The following DPRX variants were observed in gnomAD, a reference collection of about 807,000 sequenced individuals.
DPRX encodes the protein divergent-paired related homeobox, also known as divergent paired-related homeobox.
In DPRX, 11 loss-of-function variants were observed where a neutral mutation model predicts 8.4. The ratio of observed to expected loss-of-function variants is 1.31; its 90% CI spans 0.82 to 2.17. The LOEUF (loss-of-function observed/expected upper bound fraction) is 2.17. DPRX is among the 30% of genes most tolerant of loss of function. DPRX has a pLI of 0.00. For missense variants in DPRX, 211 were observed against 236.7 expected (o/e 0.89, Z 0.71); for synonymous variants, 72 against 87.0 (o/e 0.83, Z 0.96).
the DPRX span, chr19:53,601,303 G>A: frequency 2.2e-6 from 1 of 456,480 alleles, no homozygotes; most frequent in Admixed American, 2.4e-5. Flanking sequence ...CCAGGTCTCA[G>A]TGGTCATCTG....
In DPRX at chr19:53,636,918, CCCAAGTTTGCGCT is replaced by C; in HGVS notation, c.512_524del (p.Val171AlafsTer?). On this transcript the variant is annotated frameshift_variant, in exon 3 of 3. Transcript: ENST00000376650. LOFTEE classifies it low-confidence loss of function (END_TRUNC). Reference sequence around the variant, plus strand: ...TACTGCCTCTACCCCATTTTGGAATCCCAAGTTTGCGCTCCAAGCTTCCATTCTGGCTCTCCTG... The same window carrying C: ...TACTGCCTCTACCCCATTTTGGAATCCCAAGCTTCCATTCTGGCTCTCCTG... 3 of 1,613,726 alleles carry C rather than the reference CCCAAGTTTGCGCT, an allele frequency of 1.9e-6. No homozygotes were observed. The highest frequency in any genetic ancestry group is 2.5e-6 in the Non-Finnish European group (3 of 1,179,720).
the DPRX span, chr19:53,606,606 TC>T: frequency 6.6e-6 from 1 of 152,266 alleles, no homozygotes; most frequent in African/African-American, 2.4e-5. The surrounding 1 kb of genome is among the most constrained non-coding windows in gnomAD (Gnocchi z 4.8). Context: ...CAGATGAAGA[TC>T]GAGGTCACAG....
At chr19:53,618,133 ACT>A in the DPRX span, among the ~76,000 whole-genome samples, 4 of 137,692 alleles carry the variant, frequency 2.9e-5, no homozygotes, top group East Asian at 6.0e-4. Context: ...ACAGAGCGAG[ACT>A]CTGTTTCAAA....
At chr19:53,634,815 C>T (rs146798510) in intron 2 of DPRX, 130 bp downstream of exon 2, 7 of 1,286,336 alleles carry the variant, frequency 5.4e-6, no homozygotes, top group African/African-American at 1.5e-5. Flanking sequence ...CTCCTACTCA[C>T]GTCCCCGTAA....
intron 1 of DPRX, among the ~76,000 whole-genome samples, chr19:53,634,013 A>G (rs1306883643): frequency 6.6e-6 from 1 of 152,220 alleles, no homozygotes; most frequent in African/African-American, 2.4e-5. Flanking sequence ...TATGAAAATG[A>G]CAAATGAGGC....
chr19:53,603,624 G>A, the DPRX span: 1 of 265,106 alleles, frequency 3.8e-6, no homozygotes, highest in Non-Finnish European at 7.8e-6. Context: ...TACACCCACG[G>A]TAGCTCCCAC....
At chr19:53,631,897 G>A (rs936245579), upstream of DPRX, among the ~76,000 whole-genome samples, 1 of 152,034 alleles carries the variant, frequency 6.6e-6, no homozygotes, top group South Asian at 2.1e-4. Context: ...GTTGGTCTCC[G>A]CTCAATCAAT....
At chr19:53,631,845 A>T (rs1275848535), upstream of DPRX, among the ~76,000 whole-genome samples, 1 of 152,088 alleles carries the variant, frequency 6.6e-6, no homozygotes, top group Non-Finnish European at 1.5e-5. Flanking sequence ...AACAACTCCC[A>T]GGAGTGTTAG....
At chr19:53,630,419 G>A (rs1400232214), upstream of DPRX, among the ~76,000 whole-genome samples, 1 of 151,942 alleles carries the variant, frequency 6.6e-6, no homozygotes, top group Non-Finnish European at 1.5e-5. Context: ...GGGTATGGTA[G>A]TGTGCACCTG....
intron 1 of DPRX, among the ~76,000 whole-genome samples, chr19:53,634,153 G>A (rs547805151): frequency 4.6e-5 from 7 of 152,152 alleles, no homozygotes; most frequent in East Asian, 1.9e-4. Flanking sequence ...AGTCACGGCC[G>A]GGCACAGTGG....
the DPRX span, among the ~76,000 whole-genome samples, chr19:53,623,310 A>AAAAAAAAAAAT: frequency 4.5e-5 from 6 of 134,020 alleles, 1 homozygote; most frequent in African/African-American, 1.4e-4. Flanking sequence ...CTGTCTCAAA[A>AAAAAAAAAAAT]AAATAAATAA....
At chr19:53,629,159 C>T (rs933933555), upstream of DPRX, among the ~76,000 whole-genome samples, 3 of 150,942 alleles carry the variant, frequency 2.0e-5, no homozygotes, top group Non-Finnish European at 4.4e-5. Flanking sequence ...ACTAAAAATA[C>T]GAAAATTAGC....
intron 2 of DPRX, among the ~76,000 whole-genome samples, chr19:53,635,475 G>T (rs981668664): frequency 6.6e-6 from 1 of 152,052 alleles, no homozygotes; most frequent in African/African-American, 2.4e-5. Context: ...CAAGTAGGTG[G>T]GACTACAGGT....
chr19:53,626,784 C>T, the DPRX span, among the ~76,000 whole-genome samples: 2 of 152,040 alleles, frequency 1.3e-5, no homozygotes, highest in Non-Finnish European at 1.5e-5. Context: ...CTGTAGCCTC[C>T]GCCTCCAGGG....
At chr19:53,630,679 T>C (rs879718363), upstream of DPRX, among the ~76,000 whole-genome samples, 18 of 151,868 alleles carry the variant, frequency 1.2e-4, no homozygotes, top group Admixed American at 3.3e-4. Flanking sequence ...AGCTCATTTA[T>C]GCAAAGGCTA....
chr19:53,623,708 A>G, the DPRX span, among the ~76,000 whole-genome samples: 12 of 152,024 alleles, frequency 7.9e-5, no homozygotes, highest in Non-Finnish European at 1.6e-4. Context: ...CTTTGGGATT[A>G]CGCTTGCCAA....
chr19:53,618,152 AAAAG>A, the DPRX span, among the ~76,000 whole-genome samples: 53,264 of 145,800 alleles, frequency 0.37, 9,841 homozygotes, highest in African/African-American at 0.51. Flanking sequence ...CAAAAAAAAA[AAAAG>A]AAAGAAAGAA....
chr19:53,611,503 G>A, the DPRX span, among the ~76,000 whole-genome samples: 228 of 152,178 alleles, frequency 1.5e-3, no homozygotes, highest in Admixed American at 3.7e-3. Flanking sequence ...AAAGTTCTGG[G>A]ATTATAGGCA....
chr19:53,635,941 A>T (rs1216507591), intron 2 of DPRX, among the ~76,000 whole-genome samples: 1 of 152,012 alleles, frequency 6.6e-6, no homozygotes, highest in African/African-American at 2.4e-5. Context: ...CCCTGTCTCA[A>T]TTTCTGTCCC....
Sources: gnomAD v4.1 joint callset for allele counts (sites outside exome capture counted in the v4.1 genomes callset) on GRCh38, gnomAD v4.1.1 for gene constraint, Gnocchi (gnomAD v3.1) non-coding constraint, MANE v1.5 for transcripts, NCBI Gene and HGNC (gene_info 2026-07-23, HGNC 2026-07-21) for gene names.